The following ARPP21 variants were observed in gnomAD, a reference collection of about 807,000 sequenced individuals.
The protein encoded by ARPP21 is cAMP-regulated phosphoprotein 21.
ARPP21 carries 69 observed loss-of-function variants against 113.2 expected under a neutral mutation model. The ratio of observed to expected loss-of-function variants is 0.61; its 90% confidence interval spans 0.50 to 0.74. ARPP21 has a LOEUF of 0.74. Among genes scored for constraint, ARPP21 ranks in the 30% least tolerant of loss-of-function variants. ARPP21 has a pLI of 0.00. For missense variants in ARPP21, 1,070 were observed against 1,037.4 expected (o/e 1.03, Z -0.43); for synonymous variants, 368 against 375.5 (o/e 0.98, Z 0.23).
chr3:35,733,542 G>A lies in ARPP21; in HGVS notation c.1460-3636G>A, dbSNP rs142441027. 7.8e-4 allele frequency among the ~76,000 whole-genome samples: 119 copies of A among 152,280 alleles called. 2 individuals are homozygous for A. Among genetic ancestry groups the A allele is most frequent in the Middle Eastern group, 3.4e-3 (1 of 294 alleles). On this transcript the variant is annotated intron_variant, in intron 15 of 20. Transcript: ENST00000684406. The stretch of plus-strand genomic sequence containing the variant: ...AACTAGGCCGAGGGCCAGCCAGTCC[G>A]TTTTTCCTCTTTAGTCTTCGGCAGC...
chr3:35,728,754 T>C (rs2093733669), intron 14 of ARPP21, among the ~76,000 whole-genome samples: 1 of 152,116 alleles, frequency 6.6e-6, no homozygotes, highest in Non-Finnish European at 1.5e-5. Context: ...TGATCCCAGG[T>C]CTTCTACTCA....
chr3:35,753,200 A>T (rs921171440), intron 19 of ARPP21, among the ~76,000 whole-genome samples: 2 of 151,970 alleles, frequency 1.3e-5, no homozygotes, highest in Non-Finnish European at 2.9e-5. Flanking sequence ...AGGCTAAAAC[A>T]GAAATCTCTC....
At chr3:35,726,437 T>C (rs1364064030) in intron 14 of ARPP21, among the ~76,000 whole-genome samples, 1 of 152,254 alleles carries the variant, frequency 6.6e-6, no homozygotes, top group East Asian at 1.9e-4. Context: ...CATATGTTGA[T>C]TGCTGAGCCA....
At chr3:35,732,881 T>G (rs533148180) in intron 15 of ARPP21, among the ~76,000 whole-genome samples, 10 of 151,286 alleles carry the variant, frequency 6.6e-5, no homozygotes, top group Admixed American at 3.3e-4. Flanking sequence ...CTGCTTACAC[T>G]TTTTTTTTAT....
At chr3:35,693,684 G>GT in intron 9 of ARPP21, among the ~76,000 whole-genome samples, 1 of 151,704 alleles carries the variant, frequency 6.6e-6, no homozygotes, top group African/African-American at 2.4e-5. Flanking sequence ...AAGTGTCTTG[G>GT]TTTTTTTGGT....
At chr3:35,726,468 T>C (rs2093546579) in intron 14 of ARPP21, among the ~76,000 whole-genome samples, 1 of 152,246 alleles carries the variant, frequency 6.6e-6, no homozygotes, top group African/African-American at 2.4e-5. Flanking sequence ...GAGGTTTGAC[T>C]TTATTTTCAT....
chr3:35,714,133 T>C (rs182734734), intron 11 of ARPP21, among the ~76,000 whole-genome samples: 88 of 152,340 alleles, frequency 5.8e-4, no homozygotes, highest in African/African-American at 2.0e-3. Context: ...TCTGAAAAGC[T>C]TTATCTTTTA....
intron 14 of ARPP21, among the ~76,000 whole-genome samples, chr3:35,722,731 C>T (rs1234705829): frequency 6.6e-6 from 1 of 152,134 alleles, no homozygotes; most frequent in Non-Finnish European, 1.5e-5. Context: ...GAGCCATTAA[C>T]TTGAAACAAC....
intron 19 of ARPP21, among the ~76,000 whole-genome samples, chr3:35,767,482 A>C (rs78094640): frequency 0.026 from 4,027 of 152,212 alleles, 183 homozygotes; most frequent in African/African-American, 0.088. Context: ...TCAGTTCTTG[A>C]ATGATAAGAA....
At chr3:35,767,471 A>G (rs757064587) in intron 19 of ARPP21, among the ~76,000 whole-genome samples, 2 of 152,156 alleles carry the variant, frequency 1.3e-5, no homozygotes, top group Non-Finnish European at 2.9e-5. Flanking sequence ...TTAATTTGCC[A>G]TCAGTTCTTG....
At chr3:35,682,612 C>T (rs2079252142) in intron 3 of ARPP21, 1 of 423,062 alleles carries the variant, frequency 2.4e-6, no homozygotes, top group East Asian at 3.6e-5. Context: ...GTCCCCTTTC[C>T]AATAGTTGTT....
chr3:35,786,026 A>G (rs1387621869), intron 19 of ARPP21, among the ~76,000 whole-genome samples: 1 of 152,224 alleles, frequency 6.6e-6, no homozygotes, highest in African/African-American at 2.4e-5. Flanking sequence ...GTCGTAATGA[A>G]CTTCAACAGC....
At chr3:35,742,405 T>C (rs571186577) in intron 18 of ARPP21, among the ~76,000 whole-genome samples, 58 of 152,328 alleles carry the variant, frequency 3.8e-4, no homozygotes, top group African/African-American at 1.3e-3. Flanking sequence ...AATTATTTGT[T>C]TTTTATTGTT....
chr3:35,682,987 T>C, intron 4 of ARPP21, 98 bp downstream of exon 4: 2 of 1,197,016 alleles, frequency 1.7e-6, no homozygotes, highest in Middle Eastern at 2.4e-4. Context: ...CAGATGATTG[T>C]GTCCAGATAT....
intron 9 of ARPP21, among the ~76,000 whole-genome samples, chr3:35,698,615 A>G (rs2085001328): frequency 1.3e-5 from 2 of 151,674 alleles, no homozygotes; most frequent in South Asian, 2.1e-4. Context: ...GACCAAGATC[A>G]AAATTCAGTA....
chr3:35,776,188 G>T (rs1022553923), intron 19 of ARPP21, among the ~76,000 whole-genome samples: 1 of 152,060 alleles, frequency 6.6e-6, no homozygotes, highest in Admixed American at 6.6e-5. Flanking sequence ...GCATTTTAAA[G>T]AATATTAGAA....
At chr3:35,757,482 A>C (rs957644230) in intron 19 of ARPP21, among the ~76,000 whole-genome samples, 5 of 152,110 alleles carry the variant, frequency 3.3e-5, no homozygotes, top group African/African-American at 1.2e-4. Flanking sequence ...TGAGTCAAAG[A>C]GAACAATCCA....
intron 15 of ARPP21, among the ~76,000 whole-genome samples, chr3:35,732,148 T>C (rs2094022401): frequency 6.6e-6 from 1 of 152,158 alleles, no homozygotes. Context: ...TGATAAAACA[T>C]CTGTTTTAAG....
At chr3:35,702,095 A>AT (rs2086636109) in intron 9 of ARPP21, among the ~76,000 whole-genome samples, 2 of 151,726 alleles carry the variant, frequency 1.3e-5, no homozygotes, top group Non-Finnish European at 3.0e-5. Flanking sequence ...AATCACAAAT[A>AT]TATAAAAGGT....
Sources: allele counts gnomAD v4.1 joint callset (sites outside exome capture counted in the v4.1 genomes callset), GRCh38; gene constraint gnomAD v4.1.1; transcripts MANE v1.5; gene names NCBI Gene and HGNC (gene_info 2026-07-23, HGNC 2026-07-21).